The following CHD6 variants were observed in gnomAD, a reference collection of about 807,000 sequenced individuals.
The protein encoded by CHD6 is ATP-dependent chromatin remodeler CHD6.
CHD6 carries 50 observed loss-of-function variants against 276.9 expected under a neutral mutation model. The ratio of observed to expected loss-of-function variants is 0.18; its 90% CI spans 0.14 to 0.23. CHD6 has a LOEUF of 0.23. Among genes scored for constraint, CHD6 ranks in the 10% least tolerant of loss-of-function variants. CHD6 has a pLI of 1.00. For synonymous variants in CHD6, 1,173 were observed against 1,229.3 expected, an observed-to-expected ratio of 0.95 and a Z score of 0.96; for missense variants, 2,564 against 3,365.8, an observed-to-expected ratio of 0.76 and a Z score of 5.89.
At chr20:41,586,877 AATT>A (rs1402462141) in intron 1 of CHD6, among the ~76,000 whole-genome samples, 2 of 152,372 alleles carry the variant, frequency 1.3e-5, no homozygotes, top group Non-Finnish European at 2.9e-5. Flanking sequence ...AATGTGAATG[AATT>A]ATTTTCCCTT....
Position 41,422,077 on chromosome 20 carries a change from G to A in CHD6, c.4558C>T (p.Pro1520Ser), listed in dbSNP as rs2047212891. The A allele has an allele frequency of 6.2e-7, 1 of 1,601,254 alleles. No individual in the cohort carries two copies. The highest frequency in any genetic ancestry group is 8.5e-7 in the Non-Finnish European group (1 of 1,171,774). Residue 1520 changes from proline (P) to serine (S), a missense_variant and splice_region_variant, in exon 31 of 37, where the codon CCC becomes TCC. Coordinates refer to ENST00000373233, the MANE Select transcript of CHD6 (RefSeq NM_032221.5). ...TCAACGTAGATGGTGGTATCTGGGG[G>A]ACCTGGAGAGAAAGGGAAATAAAGC... Reference protein sequence around the residue: ...CRLPTWKDGGPPDTTIYVEPI... With the variant: ...CRLPTWKDGGSPDTTIYVEPI...
intron 3 of CHD6, among the ~76,000 whole-genome samples, chr20:41,521,872 A>C (rs2044407108): frequency 6.6e-6 from 1 of 152,264 alleles, no homozygotes; most frequent in African/African-American, 2.4e-5. Context: ...TTCGTTGCCC[A>C]AAACTGAGAC....
Position 41,405,183 on chromosome 20 carries a change from T to C in CHD6, c.7558A>G (p.Met2520Val), listed in dbSNP as rs370632350. ...EVKSTLSMLP[M>V]MLPGMAAVPQ... Reference sequence around the variant, plus strand: ...ACAGCAGCCATGCCTGGCAGCATCATGGGCAGCATGCTCAGGGTACTTTTG... The same window carrying C: ...ACAGCAGCCATGCCTGGCAGCATCACGGGCAGCATGCTCAGGGTACTTTTG... The change falls in exon 37 of 37, where the codon ATG (methionine) becomes GTG (valine). Residue 2520 changes from methionine to valine, a missense_variant. Met to Val is a conservative substitution (Grantham distance 21). Coordinates refer to ENST00000373233, the MANE Select transcript of CHD6 (RefSeq NM_032221.5). The C allele has an allele frequency of 4.3e-6, 7 of 1,614,078 alleles. 1 individual carries two copies. The Admixed American group carries it at 1.2e-4, about 27-fold the overall frequency.
intron 27 of CHD6, among the ~76,000 whole-genome samples, chr20:41,431,835 G>A (rs1478793485): frequency 8.5e-5 from 12 of 141,902 alleles, no homozygotes; most frequent in East Asian, 2.1e-4. Flanking sequence ...CGGGCTACCC[G>A]GAAATGGCAG....
Position 41,423,492 on chromosome 20 carries a change from C to T in CHD6, c.4555G>A (p.Gly1519Ser). Residue 1519 changes from glycine to serine, a missense_variant and splice_region_variant, in exon 30 of 37, where the codon GGT becomes AGT. Physicochemically the swap from Gly to Ser is moderately conservative, Grantham distance 56. This residue lies in a region of CHD6 where 515 missense variants were observed against 739.5 expected (regional missense o/e 0.70). Transcript: ENST00000373233. ...VCRLPTWKDG[G>S]PPDTTIYVEP... The stretch of plus-strand genomic sequence containing the variant: ...GACAATATACTGATAGTTTTCTCAC[C>T]GCCATCTTTCCATGTGGGTAGACGA... The T allele has an allele frequency of 6.2e-7, 1 of 1,613,270 alleles. No individual in the cohort carries two copies. Among genetic ancestry groups the T allele is most frequent in the Non-Finnish European group, 8.5e-7 (1 of 1,179,222 alleles).
intron 17 of CHD6, among the ~76,000 whole-genome samples, chr20:41,460,335 TAA>T (rs1451540607): frequency 6.6e-6 from 1 of 152,218 alleles, no homozygotes; most frequent in Admixed American, 6.5e-5. Context: ...GAAATTTGCA[TAA>T]GTAACAAGAA....
chr20:41,575,452 T>C (rs1358636407), intron 1 of CHD6, among the ~76,000 whole-genome samples: 2 of 152,202 alleles, frequency 1.3e-5, no homozygotes, highest in African/African-American at 2.4e-5. Flanking sequence ...TCTTCACATA[T>C]GCACCTGCTA....
In CHD6 at chr20:41,421,672, G is replaced by A. The variant is rs2047197559; in HGVS notation, c.4963C>T (p.Leu1655Phe). 2.5e-6 allele frequency: 4 copies of A among 1,613,184 alleles called. No homozygotes were observed. The highest frequency in any genetic ancestry group is 1.3e-5 in the African/African-American group (1 of 74,880). The part of the protein sequence containing the change: ...YSQMSRTSES[L>F]ENEPENLVRV... ...ACTAGATTTTCAGGTTCATTTTCAA[G>A]GGACTCTGAAGTCCTACTCATTTGA... The change falls in exon 31 of 37, where the codon CTT becomes TTT. Residue 1655 changes from leucine (L) to phenylalanine (F), a missense_variant. By Grantham distance (22) the Leu-to-Phe change is conservative (BLOSUM62 0). Coordinates refer to ENST00000373233, the MANE Select transcript of CHD6 (RefSeq NM_032221.5).
intron 1 of CHD6, among the ~76,000 whole-genome samples, chr20:41,572,272 C>T (rs1010059508): frequency 1.3e-5 from 2 of 152,158 alleles, no homozygotes; most frequent in Admixed American, 6.5e-5. Context: ...TGTGCTTTTG[C>T]TGTTCTTGCT....
intron 1 of CHD6, among the ~76,000 whole-genome samples, chr20:41,618,078 G>A (rs536970693): frequency 1.5e-4 from 22 of 148,940 alleles, no homozygotes; most frequent in African/African-American, 5.3e-4. Context: ...GCGAAAGCGG[G>A]AGCGGGAGCA....
chr20:41,443,297 C>G (rs16985769), intron 25 of CHD6, among the ~76,000 whole-genome samples: 11,386 of 152,264 alleles, frequency 0.075, 824 homozygotes, highest in East Asian at 0.32. Flanking sequence ...AAGAGATCAA[C>G]TGATTAATCC....
chr20:41,487,940 T>C, intron 13 of CHD6, 132 bp from the exon 14 acceptor site: 2 of 836,210 alleles, frequency 2.4e-6, no homozygotes, highest in Non-Finnish European at 3.7e-6. Flanking sequence ...GAAAAGATAA[T>C]ATGCCATCAT....
At chr20:41,414,928 G>A (rs1472449379) in intron 34 of CHD6, 29 of 1,325,124 alleles carry the variant, frequency 2.2e-5, no homozygotes, top group Non-Finnish European at 2.7e-5. Context: ...AACCCTGGAG[G>A]AGCGGGGTTG....
chr20:41,431,638 T>G (rs1168020363), intron 27 of CHD6, among the ~76,000 whole-genome samples: 2 of 152,162 alleles, frequency 1.3e-5, no homozygotes, highest in Non-Finnish European at 2.9e-5. Flanking sequence ...CTGGGATGCA[T>G]TTCCCTATTC....
At chr20:41,517,103 T>G in intron 3 of CHD6, among the ~76,000 whole-genome samples, 1 of 152,270 alleles carries the variant, frequency 6.6e-6, no homozygotes, top group South Asian at 2.1e-4. Context: ...CAGCTTCTAT[T>G]CCCCAGGCTG....
chr20:41,565,341 G>T (rs529928407), intron 1 of CHD6, among the ~76,000 whole-genome samples: 2 of 152,048 alleles, frequency 1.3e-5, no homozygotes, highest in Non-Finnish European at 2.9e-5. Flanking sequence ...TGATCCACCC[G>T]CCTCGGCCTC....
intron 1 of CHD6, among the ~76,000 whole-genome samples, chr20:41,617,780 GC>G (rs1371912299): frequency 6.6e-6 from 1 of 151,146 alleles, no homozygotes; most frequent in Admixed American, 6.6e-5. Flanking sequence ...AGGGGCCCCC[GC>G]CCCCTCCCGG....
intron 25 of CHD6, among the ~76,000 whole-genome samples, chr20:41,441,429 G>A (rs944512448): frequency 6.6e-6 from 1 of 152,130 alleles, no homozygotes; most frequent in African/African-American, 2.4e-5. Context: ...CTGCTTTTAA[G>A]GAGGTTCCAG....
At chr20:41,449,321 C>G (rs945331374) in intron 23 of CHD6, among the ~76,000 whole-genome samples, 1 of 152,190 alleles carries the variant, frequency 6.6e-6, no homozygotes, top group Non-Finnish European at 1.5e-5. Flanking sequence ...AAAAGTGGAA[C>G]AGAATGTCAG....
Sources: allele counts gnomAD v4.1 joint callset (sites outside exome capture counted in the v4.1 genomes callset), GRCh38; gene constraint gnomAD v4.1.1; regional missense constraint gnomAD v4.1.1; transcripts MANE v1.5; gene names NCBI Gene and HGNC (gene_info 2026-07-23, HGNC 2026-07-21).